ZDHHC24: variants seen among roughly 807,000 people sequenced by gnomAD.
ZDHHC24 encodes the protein probable palmitoyltransferase ZDHHC24.
ZDHHC24 carries 17 observed loss-of-function variants against 23.2 expected under a neutral mutation model. That is an observed-to-expected ratio of 0.73 (90% CI 0.50 to 1.10). The LOEUF is 1.10. Among genes scored for constraint, ZDHHC24 ranks in the 50% least tolerant of loss-of-function variants. The pLI, the probability that ZDHHC24 is intolerant of heterozygous loss-of-function variation, is 0.00. For missense variants in ZDHHC24, 366 were observed against 393.0 expected, an observed-to-expected ratio of 0.93 and a Z score of 0.58; for synonymous variants, 186 against 194.5, an observed-to-expected ratio of 0.96 and a Z score of 0.36.
At chr11:66,527,169 T>TC in intron 3 of ZDHHC24, 1 of 629,828 alleles carries the variant, frequency 1.6e-6, no homozygotes, top group Non-Finnish European at 2.8e-6. Context: ...GCCCAGGAGT[T>TC]CAAGACCTAC....
rs1857289336 is a variant in ZDHHC24, at chr11:66,545,556, A to G, written c.281+167T>C. ...GGCTCCCAATAAGTATTTGCGAGTAAATAAATAACACTCAATTCTAGCTCT... is the reference window on the plus strand; with the variant it reads ...GGCTCCCAATAAGTATTTGCGAGTAGATAAATAACACTCAATTCTAGCTCT... On this transcript the variant is annotated intron_variant, in intron 1 of 2. Transcript: ENST00000310442. This position sits in a 1 kb window ranked among gnomAD's most constrained non-coding sequence, Gnocchi z 4.5. 6.6e-6 allele frequency among the ~76,000 whole-genome samples: 1 copy of G among 152,214 alleles called. No individual in the cohort carries two copies. Among genetic ancestry groups the G allele is most frequent in the Admixed American group, 6.5e-5 (1 of 15,286 alleles).
exon 5 of ZDHHC24, chr11:66,521,245 G>C (rs368073453): frequency 6.3e-7 from 1 of 1,579,694 alleles, no homozygotes; most frequent in Non-Finnish European, 8.7e-7. Flanking sequence ...AGAGAAATTG[G>C]AGTGTTTGCG....
chr11:66,543,827 C>A lies in ZDHHC24; in HGVS notation c.436G>T (p.Ala146Ser). ...GAGACGTGGAGCAGGACGCCGGCGG[C>A]ATGAAGCAGCAGGCACAGGAAGGGC... ...YRPFLCLLLH[A>S]AGVLLHVSVL... The change falls in exon 2 of 3, where the codon GCC becomes TCC. Residue 146 changes from alanine to serine, a missense_variant. Ala to Ser is a moderately conservative substitution (Grantham distance 99). Transcript: ENST00000310442. 6.2e-7 allele frequency: 1 copy of A among 1,613,792 alleles called. No individual in the cohort carries two copies.
At chr11:66,523,922 G>A (rs1360992787) in intron 4 of ZDHHC24, 2 of 1,609,682 alleles carry the variant, frequency 1.2e-6, no homozygotes, top group African/African-American at 2.7e-5. Flanking sequence ...ACTCCTCCTT[G>A]CCCTCGTCTC....
chr11:66,529,006 T>G (rs1441276971), intron 3 of ZDHHC24: 2 of 738,762 alleles, frequency 2.7e-6, no homozygotes. Context: ...AAATCAGACC[T>G]TTTCTTCATA....
chr11:66,537,751 A>G lies in ZDHHC24; in HGVS notation c.*1778T>C, dbSNP rs2134867848. The G allele has an allele frequency of 6.9e-6, 1 of 145,598 alleles. No individual in the cohort carries two copies. Among genetic ancestry groups the G allele is most frequent in the Non-Finnish European group, 1.6e-5 (1 of 63,562 alleles). The allele number at this position is 145,598 out of a possible 1,614,324, so 9.0% of individuals were successfully genotyped here. A position where few individuals can be genotyped will look rare whatever the true frequency, so the allele number is the denominator to read the frequency against. ...AGACCATCCTGGCTAACACGGTGAA[A>G]CCTCGTCTCTACTAAAAATACAAAA... is the stretch of plus-strand genomic sequence containing the variant. On this transcript the variant is annotated 3_prime_UTR_variant, in exon 3 of 3. Transcript: ENST00000310442.
intron 4 of ZDHHC24, chr11:66,521,569 G>C (rs1250276522): frequency 4.6e-5 from 29 of 631,368 alleles, no homozygotes; most frequent in Non-Finnish European, 7.4e-5. Flanking sequence ...GGCTGGCACA[G>C]TGAGAGACTA....
At chr11:66,526,902 G>A in intron 4 of ZDHHC24, 1 of 1,611,198 alleles carries the variant, frequency 6.2e-7, no homozygotes, top group Non-Finnish European at 8.5e-7. Context: ...TGTGCACTGG[G>A]AGGAGATCTC....
downstream of ZDHHC24, among the ~76,000 whole-genome samples, chr11:66,534,985 C>T (rs180813414): frequency 4.6e-5 from 7 of 152,246 alleles, no homozygotes; most frequent in African/African-American, 1.4e-4. Context: ...CTCTGCCTCC[C>T]GGGCTCAAGT....
In ZDHHC24 at chr11:66,543,936, G is replaced by A; in HGVS notation, c.327C>T (p.His109=). 6.2e-7 allele frequency: 1 copy of A among 1,613,856 alleles called. No individual in the cohort carries two copies. Among genetic ancestry groups the A allele is most frequent in the East Asian group, 2.2e-5 (1 of 44,886 alleles). The change falls in exon 2 of 3, where the codon CAC becomes CAT. Residue 109 remains histidine (H), a synonymous_variant. Transcript: ENST00000310442. ...CQSQVPPRSG[H]CSACRVCILR... ...GGATGCAGACGCGGCAGGCAGAGCA[G>A]TGTCCGCTGCGTGGCGGCACCTGGC...
chr11:66,539,845 G>A (rs755850460), intron 2 of ZDHHC24, 21 bp from the exon 3 acceptor site: 1 of 1,558,038 alleles, frequency 6.4e-7, no homozygotes, highest in East Asian at 2.3e-5. Context: ...AGAGCAGAGA[G>A]GGTCAGGGAG....
In ZDHHC24 at chr11:66,538,673, A is replaced by T. The variant is rs924820949; in HGVS notation, c.*856T>A. On this transcript the variant is annotated 3_prime_UTR_variant, in exon 3 of 3. Coordinates refer to ENST00000310442, the MANE Select transcript of ZDHHC24 (RefSeq NM_207340.3). Reference sequence around the variant, plus strand: ...CCTAAGAGAAAACTGAGACGAACACATGTGTTTAGGCCTGCCATGTGGAAA... The same window carrying T: ...CCTAAGAGAAAACTGAGACGAACACTTGTGTTTAGGCCTGCCATGTGGAAA... The T allele has an allele frequency of 6.6e-6, 1 of 151,386 alleles. No homozygotes were observed. The highest frequency in any genetic ancestry group is 1.5e-5 in the Non-Finnish European group (1 of 68,036). 9.4% of individuals were successfully genotyped at this position (151,386 alleles called of 1,614,324 possible).
chr11:66,533,790 T>G (rs938718388), downstream of ZDHHC24, among the ~76,000 whole-genome samples: 1 of 152,240 alleles, frequency 6.6e-6, no homozygotes, highest in Admixed American at 6.5e-5. Context: ...CTGGGCTAGA[T>G]CCTGATTCCT....
At chr11:66,526,410 C>T (rs1346366806) in intron 4 of ZDHHC24, among the ~76,000 whole-genome samples, 1 of 152,220 alleles carries the variant, frequency 6.6e-6, no homozygotes, top group East Asian at 1.9e-4. Context: ...CCAGCATCCC[C>T]AGTGCCTGCC....
At chr11:66,529,777 C>T in intron 2 of ZDHHC24, 26 of 1,606,488 alleles carry the variant, frequency 1.6e-5, no homozygotes, top group Non-Finnish European at 2.2e-5. Context: ...CTCCCTGCCA[C>T]CCCCCACCTC....
At chr11:66,530,053 G>A (rs1856703941) in intron 2 of ZDHHC24, 1 of 1,498,086 alleles carries the variant, frequency 6.7e-7, no homozygotes, top group African/African-American at 1.4e-5. Context: ...CCAATTCCAA[G>A]CCAACTCAGC....
In ZDHHC24 at chr11:66,535,895, A is replaced by C. The variant is rs1227670013; in HGVS notation, c.*3634T>G. On this transcript the variant is annotated 3_prime_UTR_variant, in exon 3 of 3. Coordinates refer to ENST00000310442, the MANE Select transcript of ZDHHC24 (RefSeq NM_207340.3). Reference sequence around the variant, plus strand: ...GGGCAGAAAAATGACCAGTGGAACCACATAGAAAAATCAATTATTGTATTT... The same window carrying C: ...GGGCAGAAAAATGACCAGTGGAACCCCATAGAAAAATCAATTATTGTATTT... The C allele has an allele frequency of 6.6e-6, 1 of 152,210 alleles. No individual in the cohort carries two copies. Among genetic ancestry groups the C allele is most frequent in the African/African-American group, 2.4e-5 (1 of 41,444 alleles). 9.4% of individuals were successfully genotyped at this position (152,210 alleles called of 1,614,324 possible).
chr11:66,520,957 G>A (rs1276559258), downstream of ZDHHC24: 2 of 395,414 alleles, frequency 5.1e-6, no homozygotes, highest in Non-Finnish European at 9.7e-6. Context: ...GAGCTCAAGC[G>A]ATCCACCCGC....
chr11:66,537,464 C>T lies in ZDHHC24; in HGVS notation c.*2065G>A, dbSNP rs1465019412. On this transcript the variant is annotated 3_prime_UTR_variant, in exon 3 of 3. Coordinates refer to ENST00000310442, the MANE Select transcript of ZDHHC24 (RefSeq NM_207340.3). ...CCTCCGGGGCTCTGGCAGGTAATTC[C>T]ACTTGCCTTTTGGCCCCACCTTTTG... The T allele has an allele frequency of 6.6e-6, 1 of 152,064 alleles. No homozygotes were observed. The highest frequency in any genetic ancestry group is 1.5e-5 in the Non-Finnish European group (1 of 67,980). The allele number at this position is 152,064 out of a possible 1,614,324, so 9.4% of individuals were successfully genotyped here.
Sources: allele counts gnomAD v4.1 joint callset (sites outside exome capture counted in the v4.1 genomes callset), GRCh38; gene constraint gnomAD v4.1.1; non-coding constraint Gnocchi (gnomAD v3.1); transcripts MANE v1.5; gene names NCBI Gene and HGNC (gene_info 2026-07-23, HGNC 2026-07-21).